CDC42: variants seen among roughly 807,000 people sequenced by gnomAD.
CDC42 encodes cell division control protein 42 homolog.
CDC42 carries 1 observed loss-of-function variant against 20.8 expected under a neutral mutation model. The ratio of observed to expected loss-of-function variants is 0.05; its 90% confidence interval spans 0.02 to 0.23. The LOEUF (loss-of-function observed/expected upper bound fraction) is 0.23. CDC42 is among the 10% of genes least tolerant of loss of function. The pLI is 1.00. For missense variants in CDC42, 49 were observed against 227.9 expected (o/e 0.21, Z 5.05); for synonymous variants, 72 against 84.8 (o/e 0.85, Z 0.83).
intron 1 of CDC42, among the ~76,000 whole-genome samples, chr1:22,078,219 A>T (rs1346960749): frequency 6.6e-6 from 1 of 152,238 alleles, no homozygotes; most frequent in Non-Finnish European, 1.5e-5. Context: ...ACACTTAAGA[A>T]GTTGGAATAG....
intron 1 of CDC42, among the ~76,000 whole-genome samples, chr1:22,066,104 G>A (rs1304437705): frequency 6.6e-6 from 1 of 152,094 alleles, no homozygotes; most frequent in Admixed American, 6.5e-5. Flanking sequence ...AGACATTTAA[G>A]AATTTTATTT....
At chr1:22,055,540 A>G (rs1258666423) in intron 1 of CDC42, among the ~76,000 whole-genome samples, 1 of 149,170 alleles carries the variant, frequency 6.7e-6, no homozygotes, top group African/African-American at 2.5e-5. Context: ...CCCAGGCTAG[A>G]GTGCAGTGGT....
At chr1:22,088,077 T>C (rs1645678631) in intron 5 of CDC42, among the ~76,000 whole-genome samples, 1 of 152,254 alleles carries the variant, frequency 6.6e-6, no homozygotes, top group Non-Finnish European at 1.5e-5. Context: ...TTTAAAAGTT[T>C]AGAAGATTTT....
chr1:22,057,824 A>G (rs1187789176), intron 1 of CDC42, among the ~76,000 whole-genome samples: 2 of 151,856 alleles, frequency 1.3e-5, no homozygotes, highest in Non-Finnish European at 2.9e-5. Flanking sequence ...CCCGGGTTCA[A>G]GTGATTCTCC....
chr1:22,069,990 G>A (rs768888490), intron 1 of CDC42, among the ~76,000 whole-genome samples: 21 of 152,072 alleles, frequency 1.4e-4, no homozygotes, highest in Non-Finnish European at 2.8e-4. Flanking sequence ...GTTTTGCCAC[G>A]TTGCCTAGGT....
intron 3 of CDC42, among the ~76,000 whole-genome samples, chr1:22,084,700 G>A (rs1166957959): frequency 1.3e-5 from 2 of 151,918 alleles, no homozygotes; most frequent in African/African-American, 2.4e-5. Context: ...TGGTGGTTTG[G>A]TGTGATATCC....
chr1:22,087,240 A>G (rs765364783), intron 5 of CDC42, among the ~76,000 whole-genome samples: 5 of 152,246 alleles, frequency 3.3e-5, no homozygotes, highest in East Asian at 3.9e-4. Flanking sequence ...TTTCTTGCCA[A>G]TTCTGACAAT....
intron 1 of CDC42, among the ~76,000 whole-genome samples, chr1:22,058,839 T>G (rs537419013): frequency 1.3e-5 from 2 of 152,028 alleles, no homozygotes; most frequent in South Asian, 4.1e-4. Flanking sequence ...TTTTTAGAGA[T>G]AGAGTCTTGC....
chr1:22,065,119 A>G (rs544971369), intron 1 of CDC42, among the ~76,000 whole-genome samples: 1 of 152,244 alleles, frequency 6.6e-6, no homozygotes, highest in Non-Finnish European at 1.5e-5. Context: ...GAGGCTTAAA[A>G]GAGTTTTAAG....
At chr1:22,059,748 T>C (rs1026530212) in intron 1 of CDC42, 6 of 152,156 alleles carry the variant, frequency 3.9e-5, no homozygotes, top group Admixed American at 2.0e-4. Flanking sequence ...TTCACTATGT[T>C]GGACAGGATG....
chr1:22,082,221 AG>A (rs1191499578), intron 3 of CDC42, among the ~76,000 whole-genome samples: 4 of 150,872 alleles, frequency 2.7e-5, no homozygotes, highest in Non-Finnish European at 4.5e-5. Context: ...AATATGCCTA[AG>A]GTTATAAGGT....
At chr1:22,056,107 T>A (rs1203962117) in intron 1 of CDC42, among the ~76,000 whole-genome samples, 3 of 152,240 alleles carry the variant, frequency 2.0e-5, no homozygotes, top group Non-Finnish European at 4.4e-5. Flanking sequence ...CCTGGCATGG[T>A]CACCCCATTG....
At chr1:22,077,231 C>G (rs761090387) in intron 1 of CDC42, among the ~76,000 whole-genome samples, 29 of 152,132 alleles carry the variant, frequency 1.9e-4, no homozygotes, top group Admixed American at 1.3e-4. Flanking sequence ...GTTACTCACA[C>G]TAATGTAGTT....
In CDC42 at chr1:22,086,567, C is replaced by T; in HGVS notation, c.288+19C>T. The T allele has an allele frequency of 6.3e-7, 1 of 1,591,828 alleles. No individual in the cohort carries two copies. Among genetic ancestry groups the T allele is most frequent in the Non-Finnish European group, 8.6e-7 (1 of 1,160,614 alleles). ...AGAAAAGGTAAGCTGATCAGATACT[C>T]TTGCCCTAAGAAGATCATCTCAGAA... On this transcript the variant is annotated intron_variant, in intron 4 of 5. Coordinates refer to ENST00000656825, the MANE Select transcript of CDC42 (RefSeq NM_001791.4).
At chr1:22,055,867 GTTTTTTT>G in intron 1 of CDC42, among the ~76,000 whole-genome samples, 1 of 126,664 alleles carries the variant, frequency 7.9e-6, no homozygotes, top group African/African-American at 3.1e-5. Context: ...TTGTTTTAGA[GTTTTTTT>G]TTTTTTTTTT....
In CDC42 at chr1:22,086,737, C is replaced by T. The variant is rs143448220; in HGVS notation, c.357C>T (p.Leu119=). Residue 119 remains leucine (L), a synonymous_variant, in exon 5 of 6, where the codon CTC becomes CTT. Coordinates refer to ENST00000656825, the MANE Select transcript of CDC42 (RefSeq NM_001791.4). Reference sequence around the variant, plus strand: ...TGCTTGTTGGGACTCAAATTGATCTCAGAGATGACCCCTCTACTATTGAGA... The same window carrying T: ...TGCTTGTTGGGACTCAAATTGATCTTAGAGATGACCCCTCTACTATTGAGA... ...PFLLVGTQID[L]RDDPSTIEKL... is the part of the protein sequence containing the mutation. 9.3e-6 allele frequency: 15 copies of T among 1,613,882 alleles called. No homozygotes were observed. The highest frequency in any genetic ancestry group is 1.6e-4 in the Middle Eastern group (1 of 6,084).
intron 1 of CDC42, among the ~76,000 whole-genome samples, chr1:22,055,749 A>G (rs1645298321): frequency 6.6e-6 from 1 of 152,088 alleles, no homozygotes; most frequent in South Asian, 2.1e-4. Context: ...TTGGCCTCTG[A>G]AAGTGCTGGG....
At chr1:22,072,091 C>CTTTTTTTTTTTTTTTTTTTTTTTTTT (rs55929932) in intron 1 of CDC42, among the ~76,000 whole-genome samples, 1 of 70,810 alleles carries the variant, frequency 1.4e-5, no homozygotes, top group Non-Finnish European at 2.4e-5. Context: ...TTTTACTTAC[C>CTTTTTTTTTTTTTTTTTTTTTTTTTT]TTTTTTTTTT....
intron 1 of CDC42, among the ~76,000 whole-genome samples, chr1:22,071,135 A>C (rs987371418): frequency 7.4e-6 from 1 of 134,608 alleles, no homozygotes; most frequent in Non-Finnish European, 1.5e-5. Context: ...GCTCTGCCTC[A>C]CGGGTTCACG....
Sources: allele counts gnomAD v4.1 joint callset (sites outside exome capture counted in the v4.1 genomes callset), GRCh38; gene constraint gnomAD v4.1.1; transcripts MANE v1.5; gene names NCBI Gene and HGNC (gene_info 2026-07-23, HGNC 2026-07-21).